B3GALT5: variants seen among roughly 807,000 people sequenced by gnomAD.
B3GALT5 encodes UDP-Gal:betaGlcNAc beta 1,3-galactosyltransferase, polypeptide 5.
For missense variants in B3GALT5, 328 were observed against 396.6 expected, an observed-to-expected ratio of 0.83 and a Z score of 1.47; for synonymous variants, 156 against 158.6, an observed-to-expected ratio of 0.98 and a Z score of 0.12.
At chr21:39,630,438 G>T (rs1451930408) in intron 1 of B3GALT5, 1 of 149,902 alleles carries the variant, frequency 6.7e-6, no homozygotes, top group Non-Finnish European at 1.5e-5. Context: ...ACACTCTTCC[G>T]CCATGCCCAT....
chr21:39,629,646 C>T (rs531748883), intron 1 of B3GALT5, among the ~76,000 whole-genome samples: 1 of 152,254 alleles, frequency 6.6e-6, no homozygotes, highest in African/African-American at 2.4e-5. Flanking sequence ...CTGAAAGCAA[C>T]TTTGAATGTG....
At chr21:39,620,745 A>G (rs2123684841) in intron 1 of B3GALT5, among the ~76,000 whole-genome samples, 2 of 151,882 alleles carry the variant, frequency 1.3e-5, no homozygotes, top group Middle Eastern at 6.8e-3. Flanking sequence ...CTTGCCTTCA[A>G]GAGTAGCCTG....
intron 1 of B3GALT5, among the ~76,000 whole-genome samples, chr21:39,624,351 G>A (rs998442610): frequency 6.6e-6 from 1 of 152,140 alleles, no homozygotes; most frequent in African/African-American, 2.4e-5. Flanking sequence ...TGGCCAATTT[G>A]AACTTACTTT....
Position 39,661,491 on chromosome 21 carries a change from GA to G in B3GALT5, c.933del (p.Ter311TrpfsTer21). ...NSRGEDCPPV[*>X] ...CGGGGGGAAGATTGTCCGCCTGTCT[GA>G]GGGGAGCCCAGAGGCACATCCGGAC... On this transcript the variant is annotated frameshift_variant and stop_lost, in exon 4 of 4. Coordinates refer to ENST00000684187, the MANE Select transcript of B3GALT5 (RefSeq NM_001356336.2). LOFTEE classifies it high-confidence loss of function. The surrounding 1 kb of genome is among the most constrained non-coding windows in gnomAD (Gnocchi z 4.7). 1 of 1,506,198 alleles carries G rather than the reference GA, an allele frequency of 6.6e-7. No homozygotes were observed. Among genetic ancestry groups the G allele is most frequent in the Non-Finnish European group, 8.9e-7 (1 of 1,129,162 alleles). 93.3% of individuals were successfully genotyped at this position (1,506,198 alleles called of 1,614,324 possible). A position where few individuals can be genotyped will look rare whatever the true frequency, so the allele number is the denominator to read the frequency against.
chr21:39,652,363 G>A (rs1414834906), intron 2 of B3GALT5, among the ~76,000 whole-genome samples: 2 of 152,272 alleles, frequency 1.3e-5, no homozygotes, highest in Non-Finnish European at 2.9e-5. Flanking sequence ...GCAAAACTGA[G>A]TTGAGGTTTG....
intron 1 of B3GALT5, among the ~76,000 whole-genome samples, chr21:39,625,078 C>A (rs1031880271): frequency 2.0e-5 from 3 of 152,236 alleles, no homozygotes; most frequent in Admixed American, 6.5e-5. Flanking sequence ...ATTACACACA[C>A]ACTTTTTCAG....
chr21:39,615,125 G>A (rs2079100853), intron 1 of B3GALT5, among the ~76,000 whole-genome samples: 2 of 152,102 alleles, frequency 1.3e-5, no homozygotes, highest in South Asian at 4.1e-4. Context: ...TTCCTCTGCT[G>A]CCCCTTCCTG....
intron 1 of B3GALT5, among the ~76,000 whole-genome samples, chr21:39,619,220 T>C (rs2079122326): frequency 6.6e-6 from 1 of 152,136 alleles, no homozygotes; most frequent in Non-Finnish European, 1.5e-5. Flanking sequence ...AGATCAAAGG[T>C]GCCAGCCTGA....
chr21:39,645,069 C>T (rs1429309327), intron 1 of B3GALT5, among the ~76,000 whole-genome samples: 1 of 152,168 alleles, frequency 6.6e-6, no homozygotes, highest in East Asian at 1.9e-4. Context: ...TGGTTAGCAA[C>T]GTGCTCCCTA....
intron 2 of B3GALT5, among the ~76,000 whole-genome samples, chr21:39,652,442 T>G (rs2079404982): frequency 6.6e-6 from 1 of 152,258 alleles, no homozygotes; most frequent in African/African-American, 2.4e-5. Context: ...GGCAGTGTTA[T>G]TGCCAGTTTG....
At chr21:39,635,536 T>C (rs369381629) in intron 1 of B3GALT5, among the ~76,000 whole-genome samples, 1 of 152,296 alleles carries the variant, frequency 6.6e-6, no homozygotes. Context: ...TGGAGTGCAA[T>C]GGTGCGATCT....
At chr21:39,617,425 C>A (rs943397842) in intron 1 of B3GALT5, among the ~76,000 whole-genome samples, 1 of 152,106 alleles carries the variant, frequency 6.6e-6, no homozygotes, top group African/African-American at 2.4e-5. Flanking sequence ...ACAATCATGG[C>A]GGAAGGGGAG....
rs979531950 is a variant in B3GALT5 at position 39,661,547 on chromosome 21, T to C, written c.*55T>C. ...TTCAGATAACCCGTGGGGATAGTTT[T>C]TGCTAGATTTTGGAAGAGGGGGCGG... On this transcript the variant is annotated 3_prime_UTR_variant, in exon 4 of 4. Transcript: ENST00000684187. This position sits in a 1 kb window ranked among gnomAD's most constrained non-coding sequence, Gnocchi z 4.7. The C allele has an allele frequency of 5.5e-6, 8 of 1,442,804 alleles. No individual in the cohort carries two copies. The highest frequency in any genetic ancestry group is 6.4e-6 in the Non-Finnish European group (7 of 1,090,912). The allele number at this position is 1,442,804 out of a possible 1,614,324, so 89.4% of individuals were successfully genotyped here. A position where few individuals can be genotyped will look rare whatever the true frequency, so the allele number is the denominator to read the frequency against.
chr21:39,649,574 T>C (rs181041198), intron 2 of B3GALT5, among the ~76,000 whole-genome samples: 1 of 152,284 alleles, frequency 6.6e-6, no homozygotes, highest in East Asian at 1.9e-4. Context: ...TAATTCTGAA[T>C]ACAGCATGGA....
At chr21:39,634,075 C>T (rs2079209617) in intron 1 of B3GALT5, among the ~76,000 whole-genome samples, 1 of 152,182 alleles carries the variant, frequency 6.6e-6, no homozygotes, top group African/African-American at 2.4e-5. Flanking sequence ...ATATGACCCA[C>T]CAAACAGTAC....
chr21:39,632,615 A>G (rs1162892283), intron 1 of B3GALT5, among the ~76,000 whole-genome samples: 1 of 152,216 alleles, frequency 6.6e-6, no homozygotes, highest in Non-Finnish European at 1.5e-5. Flanking sequence ...AATCAATACC[A>G]TTTGCATCCC....
intron 2 of B3GALT5, chr21:39,657,809 G>A: frequency 8.3e-7 from 1 of 1,199,594 alleles, no homozygotes; most frequent in African/African-American, 1.6e-5. Context: ...TACACCTGGA[G>A]TGCAGAATCT....
chr21:39,657,283 G>C (rs909436042), intron 2 of B3GALT5: 1 of 152,288 alleles, frequency 6.6e-6, no homozygotes, highest in African/African-American at 2.4e-5. Context: ...TGGGCTGAGT[G>C]GGGAGGAGCT....
intron 1 of B3GALT5, among the ~76,000 whole-genome samples, chr21:39,626,942 TC>T (rs774094400): frequency 1.3e-5 from 2 of 152,210 alleles, no homozygotes; most frequent in Non-Finnish European, 2.9e-5. Context: ...TTTCTTACGT[TC>T]CTCGCTTGTC....
Sources: allele counts gnomAD v4.1 joint callset (sites outside exome capture counted in the v4.1 genomes callset), GRCh38; gene constraint gnomAD v4.1.1; non-coding constraint Gnocchi (gnomAD v3.1); transcripts MANE v1.5; gene names NCBI Gene and HGNC (gene_info 2026-07-23, HGNC 2026-07-21).